VCAN: variants seen among roughly 807,000 people sequenced by gnomAD.
The protein encoded by VCAN is versican core protein.
VCAN carries 44 observed loss-of-function variants against 245.5 expected under a neutral mutation model. That is an observed-to-expected ratio of 0.18 (90% CI 0.14 to 0.23). VCAN has a LOEUF of 0.23. VCAN is among the 10% of genes least tolerant of loss of function. The pLI is 1.00. For synonymous variants in VCAN, 1,413 were observed against 1,437.0 expected, an observed-to-expected ratio of 0.98 and a Z score of 0.38; for missense variants, 3,793 against 4,057.9, an observed-to-expected ratio of 0.93 and a Z score of 1.77.
chr5:83,537,254 T>C lies in VCAN; in HGVS notation c.4251T>C (p.Val1417=). The C allele has an allele frequency of 6.2e-7, 1 of 1,613,942 alleles. No individual in the cohort carries two copies. The highest frequency in any genetic ancestry group is 8.5e-7 in the Non-Finnish European group (1 of 1,179,954). Residue 1417 remains valine, a synonymous_variant, in exon 8 of 15, where the codon GTT becomes GTC. Coordinates refer to ENST00000265077, the MANE Select transcript of VCAN (RefSeq NM_004385.5). ...AGTACATAAATGGGAAGCATCTCGTTACCACTGTGCCCAAGGACCCAGAAG... is the reference window on the plus strand; with the variant it reads ...AGTACATAAATGGGAAGCATCTCGTCACCACTGTGCCCAAGGACCCAGAAG... ...SVQYINGKHL[V]TTVPKDPEAA... is the part of the protein sequence containing the mutation.
At chr5:83,557,827 C>G (rs79702530) in intron 12 of VCAN, among the ~76,000 whole-genome samples, 59 of 152,218 alleles carry the variant, frequency 3.9e-4, no homozygotes, top group Admixed American at 1.8e-3. Flanking sequence ...GGCACTTTCA[C>G]TTGAAACGTA....
At chr5:83,499,128 A>G (rs1745254738) in intron 5 of VCAN, among the ~76,000 whole-genome samples, 1 of 151,978 alleles carries the variant, frequency 6.6e-6, no homozygotes, top group African/African-American at 2.4e-5. Flanking sequence ...TTGAAGACTT[A>G]CTGCTTCCAG....
At chr5:83,558,246 C>T (rs1747745469) in intron 12 of VCAN, among the ~76,000 whole-genome samples, 1 of 152,134 alleles carries the variant, frequency 6.6e-6, no homozygotes, top group Non-Finnish European at 1.5e-5. Flanking sequence ...AATCCTTCTG[C>T]TTTGTTTCGC....
chr5:83,576,909 G>A (rs988495185), intron 13 of VCAN, among the ~76,000 whole-genome samples: 1 of 151,964 alleles, frequency 6.6e-6, no homozygotes, highest in African/African-American at 2.4e-5. Flanking sequence ...TTTGAAAATT[G>A]TTTACTTATA....
At chr5:83,579,848 T>G (rs1003904220) in intron 13 of VCAN, 132 bp from the exon 14 acceptor site, 3 of 980,610 alleles carry the variant, frequency 3.1e-6, no homozygotes, top group African/African-American at 1.7e-5. Flanking sequence ...AATTTCATAT[T>G]CTTAATTCTA....
Position 83,537,939 on chromosome 5 carries a change from G to C in VCAN, c.4936G>C (p.Glu1646Gln). The C allele has an allele frequency of 6.2e-7, 1 of 1,613,916 alleles. No homozygotes were observed. The highest frequency in any genetic ancestry group is 8.5e-7 in the Non-Finnish European group (1 of 1,179,942). Reference protein sequence around the residue: ...IPITEGSGEAEEDEDTMFTMV... With the variant: ...IPITEGSGEAQEDEDTMFTMV... Reference sequence around the variant, plus strand: ...AATTACAGAAGGCTCTGGAGAAGCAGAAGAAGATGAAGATACAATGTTCAC... The same window carrying C: ...AATTACAGAAGGCTCTGGAGAAGCACAAGAAGATGAAGATACAATGTTCAC... Residue 1646 changes from glutamate (E) to glutamine (Q), a missense_variant, in exon 8 of 15, where the codon GAA becomes CAA. Glu to Gln is a conservative substitution (Grantham distance 29, BLOSUM62 2). Around this residue, in one of 5 missense-constraint regions of VCAN, gnomAD observed 3,182 missense variants for 3,250.3 expected, o/e 0.98. Coordinates refer to ENST00000265077, the MANE Select transcript of VCAN (RefSeq NM_004385.5).
At chr5:83,575,407 G>A (rs939750403) in intron 13 of VCAN, among the ~76,000 whole-genome samples, 27 of 152,038 alleles carry the variant, frequency 1.8e-4, no homozygotes, top group Admixed American at 4.6e-4. Flanking sequence ...TCTTTTTCCG[G>A]TGTAGGAATC....
chr5:83,575,938 A>G (rs10514258), intron 13 of VCAN, among the ~76,000 whole-genome samples: 19,372 of 152,134 alleles, frequency 0.13, 1,375 homozygotes, highest in South Asian at 0.27. Flanking sequence ...TGTGCAGTCA[A>G]TTCTTTACTA....
rs923857618 is a variant in VCAN, at chr5:83,471,869, C to T, written c.-161C>T. 2.5e-6 allele frequency: 1 copy of T among 395,946 alleles called. No homozygotes were observed. The highest frequency in any genetic ancestry group is 3.6e-5 in the East Asian group (1 of 27,914). The allele number at this position is 395,946 out of a possible 1,614,324, so 24.5% of individuals were successfully genotyped here. ...TGGGACCAAGATCTTCGGCCAGCCC[C>T]GCATCCTCCCGCATCTTCCAGCACC... On this transcript the variant is annotated 5_prime_UTR_variant, in exon 1 of 15. Coordinates refer to ENST00000265077, the MANE Select transcript of VCAN (RefSeq NM_004385.5).
chr5:83,573,542 G>GA (rs952651258), intron 13 of VCAN, among the ~76,000 whole-genome samples: 1 of 151,560 alleles, frequency 6.6e-6, no homozygotes, highest in African/African-American at 2.4e-5. Context: ...TAGAATTCTG[G>GA]AAAAAAACAA....
intron 8 of VCAN, chr5:83,545,086 A>T: frequency 4.6e-6 from 1 of 216,828 alleles, no homozygotes; most frequent in Non-Finnish European, 9.4e-6. Context: ...AGGCAATAAT[A>T]ATTCAAATGA....
chr5:83,489,088 C>T (rs576554830), intron 2 of VCAN, among the ~76,000 whole-genome samples: 1 of 150,250 alleles, frequency 6.7e-6, no homozygotes, highest in South Asian at 2.1e-4. Flanking sequence ...ATATGTTTGA[C>T]CACTAGCAGA....
chr5:83,541,991 A>G lies in VCAN; in HGVS notation c.8988A>G (p.Pro2996=). 6.2e-7 allele frequency: 1 copy of G among 1,613,180 alleles called. No individual in the cohort carries two copies. The highest frequency in any genetic ancestry group is 8.5e-7 in the Non-Finnish European group (1 of 1,179,398). ...VEAGVVPWLS[P]QTSERPTLSS... ...CAGGTGTGGTGCCTTGGCTAAGTCC[A>G]CAGACTTCTGAGAGGCCCACGCTTT... The change falls in exon 8 of 15, where the codon CCA becomes CCG. Residue 2996 remains proline, a synonymous_variant. Coordinates refer to ENST00000265077, the MANE Select transcript of VCAN (RefSeq NM_004385.5).
intron 7 of VCAN, among the ~76,000 whole-genome samples, chr5:83,526,129 A>T (rs553783519): frequency 7.2e-4 from 109 of 152,160 alleles, no homozygotes; most frequent in African/African-American, 2.5e-3. Context: ...TAGTAGAGAC[A>T]GGGTTTCACC....
chr5:83,479,613 A>G (rs1744544348), intron 1 of VCAN, among the ~76,000 whole-genome samples: 1 of 152,198 alleles, frequency 6.6e-6, no homozygotes, highest in South Asian at 2.1e-4. Context: ...TAAGAGAGAC[A>G]TGGAAAAGTG....
chr5:83,473,595 G>C (rs143864588), intron 1 of VCAN, among the ~76,000 whole-genome samples: 108 of 152,222 alleles, frequency 7.1e-4, no homozygotes, highest in African/African-American at 2.5e-3. Context: ...CCTTTCCCGT[G>C]CTCCAAGGCA....
Position 83,579,084 on chromosome 5 carries a change from C to T in VCAN, c.9881-896C>T, listed in dbSNP as rs1017433603. ...TATATTCATTAAGGTATTTATGAAA[C>T]TCAGGCATGAATATTATGGTCTCTT... On this transcript the variant is annotated intron_variant, in intron 13 of 14. Transcript: ENST00000265077. Among the ~76,000 whole-genome samples, 12 of 152,076 alleles carry T rather than the reference C, an allele frequency of 7.9e-5. 1 individual carries two copies. In the East Asian group the frequency reaches 2.3e-3, roughly 29 times the overall value.
Position 83,540,776 on chromosome 5 carries a change from T to C in VCAN, c.7773T>C (p.Leu2591=). Residue 2591 remains leucine, a synonymous_variant, in exon 8 of 15, where the codon CTT becomes CTC. Coordinates refer to ENST00000265077, the MANE Select transcript of VCAN (RefSeq NM_004385.5). ...CTAAACCTGTGTATGAAGACATTCT[T>C]GGAATGCAAACAGATATAGATACAG... ...DHTKPVYEDI[L]GMQTDIDTEV... The C allele has an allele frequency of 6.2e-7, 1 of 1,613,982 alleles. No homozygotes were observed. Among genetic ancestry groups the C allele is most frequent in the Non-Finnish European group, 8.5e-7 (1 of 1,179,964 alleles).
chr5:83,525,255 T>G (rs1000952190), intron 7 of VCAN, among the ~76,000 whole-genome samples: 5 of 152,072 alleles, frequency 3.3e-5, no homozygotes, highest in Non-Finnish European at 7.4e-5. Context: ...TAACAGTGGT[T>G]CAGGGGATAC....
Sources: allele counts gnomAD v4.1 joint callset (sites outside exome capture counted in the v4.1 genomes callset), GRCh38; gene constraint gnomAD v4.1.1; regional missense constraint gnomAD v4.1.1; transcripts MANE v1.5; gene names NCBI Gene and HGNC (gene_info 2026-07-23, HGNC 2026-07-21).